Variants in GSE1 observed in about 807,000 individuals in gnomAD.
GSE1 encodes genetic suppressor element 1.
GSE1 carries 32 observed loss-of-function variants against 112.6 expected under a neutral mutation model. The ratio of observed to expected loss-of-function variants is 0.28; its 90% CI spans 0.21 to 0.38. GSE1 has a LOEUF of 0.38. Among genes scored for constraint, GSE1 ranks in the 10% least tolerant of loss-of-function variants. The pLI, the probability that GSE1 is intolerant of heterozygous loss-of-function variation, is 1.00. For missense variants in GSE1, 2,348 were observed against 1,699.2 expected, an observed-to-expected ratio of 1.38 and a Z score of -6.71; for synonymous variants, 1,115 against 735.6, an observed-to-expected ratio of 1.52 and a Z score of -8.35.
chr16:85,231,088 G>GGATT (rs1904280253), intron 1 of GSE1, among the ~76,000 whole-genome samples: 1 of 89,088 alleles, frequency 1.1e-5, no homozygotes. Context: ...ATGGATGGAT[G>GGATT]GATGGATGGA....
intron 2 of GSE1, among the ~76,000 whole-genome samples, chr16:85,470,192 C>T (rs1327727956): frequency 6.6e-6 from 1 of 152,246 alleles, no homozygotes; most frequent in African/African-American, 2.4e-5. Context: ...ATGCTGTGCC[C>T]ACGGCACCCA....
At chr16:85,366,827 G>GC (rs1668639974) in intron 2 of GSE1, among the ~76,000 whole-genome samples, 1 of 152,256 alleles carries the variant, frequency 6.6e-6, no homozygotes, top group African/African-American at 2.4e-5. Flanking sequence ...TGGCAAAATT[G>GC]CTGTTAAGAG....
At chr16:85,506,417 G>A (rs1267075840) in intron 2 of GSE1, among the ~76,000 whole-genome samples, 1 of 152,110 alleles carries the variant, frequency 6.6e-6, no homozygotes, top group Non-Finnish European at 1.5e-5. Flanking sequence ...GCGTCCAAGC[G>A]TAGCCCTGAG....
At chr16:85,270,693 A>G (rs959608403) in intron 1 of GSE1, among the ~76,000 whole-genome samples, 1 of 149,794 alleles carries the variant, frequency 6.7e-6, no homozygotes, top group South Asian at 2.1e-4. Context: ...GAGGGAGGAA[A>G]AATCCATTTA....
intron 1 of GSE1, among the ~76,000 whole-genome samples, chr16:85,290,795 C>T (rs546554799): frequency 1.3e-5 from 2 of 152,022 alleles, no homozygotes; most frequent in South Asian, 2.1e-4. Context: ...ACCAGATGGC[C>T]GGCCAGTGCC....
intron 3 of GSE1, among the ~76,000 whole-genome samples, chr16:85,648,958 G>A (rs1201905106): frequency 6.6e-6 from 1 of 152,070 alleles, no homozygotes; most frequent in South Asian, 2.1e-4. Flanking sequence ...ATCGGCCCAC[G>A]CATCAGTCTG....
chr16:85,370,131 G>T (rs983359744), intron 2 of GSE1, among the ~76,000 whole-genome samples: 1 of 152,158 alleles, frequency 6.6e-6, no homozygotes, highest in Non-Finnish European at 1.5e-5. Context: ...GCAGTTTAGC[G>T]TTTTCCCAGG....
At chr16:85,559,077 C>G (rs1275411821) in intron 1 of GSE1, among the ~76,000 whole-genome samples, 1 of 152,172 alleles carries the variant, frequency 6.6e-6, no homozygotes, top group Non-Finnish European at 1.5e-5. Context: ...AGGCTGGTCT[C>G]GAACTCCTGA....
intron 2 of GSE1, among the ~76,000 whole-genome samples, chr16:85,394,057 C>T (rs949200166): frequency 2.0e-5 from 3 of 152,116 alleles, no homozygotes; most frequent in African/African-American, 7.2e-5. Context: ...CACCAGGCGT[C>T]GATACCGTTC....
At chr16:85,366,073 TG>T (rs2047179355) in intron 2 of GSE1, among the ~76,000 whole-genome samples, 1 of 152,218 alleles carries the variant, frequency 6.6e-6, no homozygotes, top group Non-Finnish European at 1.5e-5. Flanking sequence ...GTCTCTTTTT[TG>T]TTGGGCAAAT....
chr16:85,270,909 C>T (rs907943539), intron 1 of GSE1, among the ~76,000 whole-genome samples: 1 of 152,222 alleles, frequency 6.6e-6, no homozygotes, highest in Admixed American at 6.5e-5. Context: ...GGTGCAGGCA[C>T]ACAGACCTGG....
At chr16:85,633,673 G>A (rs1025653457) in intron 1 of GSE1, among the ~76,000 whole-genome samples, 10 of 152,200 alleles carry the variant, frequency 6.6e-5, no homozygotes, top group African/African-American at 2.2e-4. Flanking sequence ...GGCCCAAGCC[G>A]TTCAGCATCT....
At chr16:85,502,176 C>G (rs2051390938) in intron 2 of GSE1, among the ~76,000 whole-genome samples, 1 of 152,184 alleles carries the variant, frequency 6.6e-6, no homozygotes, top group African/African-American at 2.4e-5. Context: ...CCCAGCTGAG[C>G]TTGGGACAGC....
At chr16:85,626,039 T>C (rs959197376) in intron 1 of GSE1, among the ~76,000 whole-genome samples, 2 of 152,074 alleles carry the variant, frequency 1.3e-5, no homozygotes. Flanking sequence ...TCCTTTGCCT[T>C]AGCCATGAGT....
At chr16:85,635,144 G>T (rs1567689351) in intron 2 of GSE1, among the ~76,000 whole-genome samples, 1 of 152,162 alleles carries the variant, frequency 6.6e-6, no homozygotes. Context: ...CGGGCTGGGG[G>T]GACTTCTCAT....
At chr16:85,545,416 G>A (rs773385134) in intron 2 of GSE1, among the ~76,000 whole-genome samples, 60 of 152,178 alleles carry the variant, frequency 3.9e-4, no homozygotes, top group Non-Finnish European at 7.1e-4. Context: ...TGCCCTTCCT[G>A]TTTTTTGTTT....
intron 1 of GSE1, among the ~76,000 whole-genome samples, chr16:85,621,975 C>T (rs1263349262): frequency 1.3e-5 from 2 of 152,198 alleles, no homozygotes; most frequent in Admixed American, 6.6e-5. Flanking sequence ...GCAGAGACTG[C>T]CAGCTCCCAA....
intron 2 of GSE1, among the ~76,000 whole-genome samples, chr16:85,526,181 A>T (rs554197965): frequency 1.3e-5 from 2 of 152,324 alleles, no homozygotes; most frequent in East Asian, 3.9e-4. Context: ...CTCAGCAGCA[A>T]AAGACACATT....
In GSE1 at chr16:85,394,067, C is replaced by T. The variant is rs542166621; in HGVS notation, c.2464+36424C>T. Among the ~76,000 whole-genome samples, 290 of 152,266 alleles carry T rather than the reference C, an allele frequency of 1.9e-3. 1 individual carries two copies. The highest frequency in any genetic ancestry group is 3.4e-3 in the Non-Finnish European group (230 of 68,008). The stretch of plus-strand genomic sequence containing the variant: ...CTTGTCACCAGGCGTCGATACCGTT[C>T]GGGCTCACTGCTGGCTCCGGGTTGT... On this transcript the variant is annotated intron_variant, in intron 2 of 2. Coordinates refer to the GSE1 transcript ENST00000637419.
Sources: gnomAD v4.1 joint callset for allele counts (sites outside exome capture counted in the v4.1 genomes callset) on GRCh38, gnomAD v4.1.1 for gene constraint, MANE v1.5 for transcripts, NCBI Gene and HGNC (gene_info 2026-07-23, HGNC 2026-07-21) for gene names.